The following SUSD1 variants were observed in gnomAD, a reference collection of about 807,000 sequenced individuals.
SUSD1 encodes sushi domain containing 1.
Under a neutral mutation model 86.9 loss-of-function variants are expected in SUSD1, and 65 were observed. The observed-to-expected ratio is 0.75, with a 90% CI of 0.61 to 0.92. SUSD1 has a LOEUF of 0.92. SUSD1 is among the 40% of genes least tolerant of loss of function. The probability of loss-of-function intolerance (pLI) is 0.00; values close to 1 mark genes in which losing one functional copy is unlikely to be tolerated. For synonymous variants in SUSD1, 346 were observed against 350.0 expected (o/e 0.99, Z 0.13); for missense variants, 850 against 929.7 (o/e 0.91, Z 1.11).
At chr9:112,108,829 G>A (rs1170598840) in intron 8 of SUSD1, among the ~76,000 whole-genome samples, 1 of 141,768 alleles carries the variant, frequency 7.1e-6, no homozygotes, top group African/African-American at 2.6e-5. Flanking sequence ...AAAAAAGAGA[G>A]AGAGAAACAT....
chr9:112,147,304 C>T (rs553490803), intron 3 of SUSD1, among the ~76,000 whole-genome samples: 1 of 152,064 alleles, frequency 6.6e-6, no homozygotes, highest in South Asian at 2.1e-4. Context: ...GTCAGGACTT[C>T]GAGACAAGCC....
intron 14 of SUSD1, among the ~76,000 whole-genome samples, 188 bp from the exon 15 acceptor site, chr9:112,052,626 G>A (rs370318952): frequency 6.6e-6 from 1 of 152,170 alleles, no homozygotes; most frequent in African/African-American, 2.4e-5. Context: ...GGCGTGGGTT[G>A]CATGGACAGA....
chr9:112,161,863 A>T (rs1282616706), intron 1 of SUSD1, among the ~76,000 whole-genome samples: 5 of 151,882 alleles, frequency 3.3e-5, no homozygotes. Context: ...AATACCCTAA[A>T]TCTTGGGTAG....
intron 8 of SUSD1, among the ~76,000 whole-genome samples, chr9:112,104,092 T>G (rs1326121974): frequency 6.6e-6 from 1 of 152,028 alleles, no homozygotes; most frequent in Non-Finnish European, 1.5e-5. Context: ...CAGACTACAC[T>G]GCAACCTCCA....
Position 112,127,092 on chromosome 9 carries a change from C to T in SUSD1, c.707-2656G>A, listed in dbSNP as rs575241426. On this transcript the variant is annotated intron_variant, in intron 5 of 16. Transcript: ENST00000374270. The stretch of plus-strand genomic sequence containing the variant: ...ACACCCACAGCTTCTCGAAAGTTGG[C>T]CGGGCACAGAGGCTCACACCTGTAA... Among the ~76,000 whole-genome samples the T allele has an allele frequency of 1.8e-3, 271 of 152,290 alleles. 2 individuals are homozygous for T. The highest frequency in any genetic ancestry group is 6.4e-3 in the African/African-American group (266 of 41,572).
chr9:112,082,901 A>AT (rs1227066378), intron 10 of SUSD1, among the ~76,000 whole-genome samples: 3 of 151,584 alleles, frequency 2.0e-5, no homozygotes, highest in Admixed American at 6.6e-5. Context: ...ATTTATTTTA[A>AT]TTTTTTTGTA....
At chr9:112,109,247 C>G (rs955943980) in intron 8 of SUSD1, among the ~76,000 whole-genome samples, 1 of 152,124 alleles carries the variant, frequency 6.6e-6, no homozygotes, top group African/African-American at 2.4e-5. Flanking sequence ...AAGTTTTCAA[C>G]TTTAAAAGAA....
At chr9:112,080,930 A>G (rs1018219561) in intron 10 of SUSD1, among the ~76,000 whole-genome samples, 1 of 152,216 alleles carries the variant, frequency 6.6e-6, no homozygotes, top group African/African-American at 2.4e-5. Context: ...GGAAAAGAAT[A>G]GGAGGTGGCG....
intron 12 of SUSD1, among the ~76,000 whole-genome samples, chr9:112,074,889 G>A (rs1351727613): frequency 6.6e-6 from 1 of 151,472 alleles, no homozygotes; most frequent in African/African-American, 2.4e-5. Flanking sequence ...GGTAGAGTTG[G>A]AAAATAGGCA....
chr9:112,059,350 G>A (rs758087348), intron 13 of SUSD1, among the ~76,000 whole-genome samples: 1 of 152,236 alleles, frequency 6.6e-6, no homozygotes, highest in African/African-American at 2.4e-5. Context: ...GACCTGATCA[G>A]TGATTTTCAC....
chr9:112,051,453 T>C (rs1032442838), intron 15 of SUSD1, among the ~76,000 whole-genome samples: 6 of 141,380 alleles, frequency 4.2e-5, no homozygotes, highest in Non-Finnish European at 9.1e-5. Flanking sequence ...GTTGTTGAGA[T>C]GGAGTTTTGC....
intron 13 of SUSD1, among the ~76,000 whole-genome samples, chr9:112,062,428 T>C (rs4979080): frequency 0.38 from 58,468 of 151,934 alleles, 12,055 homozygotes; most frequent in African/African-American, 0.53. Flanking sequence ...GGTGTGGTGG[T>C]TCAAGCCTGT....
At chr9:112,063,111 G>A in intron 12 of SUSD1, 78 bp from the exon 13 acceptor site, 1 of 866,384 alleles carries the variant, frequency 1.2e-6, no homozygotes, top group Non-Finnish European at 1.9e-6. Context: ...CCTCGTGAGG[G>A]CTATCAAAAA....
intron 10 of SUSD1, among the ~76,000 whole-genome samples, chr9:112,098,057 C>G (rs1273337085): frequency 4.6e-5 from 7 of 152,166 alleles, no homozygotes; most frequent in Non-Finnish European, 5.9e-5. Flanking sequence ...TTATGCGTGG[C>G]CTAGTCCTGA....
chr9:112,054,128 T>G (rs934604337), intron 14 of SUSD1, among the ~76,000 whole-genome samples: 1 of 152,182 alleles, frequency 6.6e-6, no homozygotes, highest in African/African-American at 2.4e-5. Flanking sequence ...CACTCCCTGA[T>G]TTCAAAATTT....
chr9:112,138,252 T>TACATATAC lies in SUSD1; in HGVS notation c.706+4067_706+4068insGTATATGT, dbSNP rs1352070295. Reference sequence around the variant, plus strand: ...AAAAAAATGTGTATATATATATATATATATGTGTATATACATATATATATA... The same window carrying TACATATAC: ...AAAAAAATGTGTATATATATATATATACATATACATATGTGTATATACATATATATATA... On this transcript the variant is annotated intron_variant, in intron 5 of 16. Coordinates refer to ENST00000374270, the MANE Select transcript of SUSD1 (RefSeq NM_022486.5). 5.1e-5 allele frequency among the ~76,000 whole-genome samples: 6 copies of TACATATAC among 118,140 alleles called. 1 individual carries two copies. The highest frequency in any genetic ancestry group is 1.7e-4 in the African/African-American group (5 of 28,804). The allele number at this position is 118,140 out of a possible 152,430, so 77.5% of individuals were successfully genotyped here. A position where few individuals can be genotyped will look rare whatever the true frequency, so the allele number is the denominator to read the frequency against.
At chr9:112,063,108 A>C in intron 12 of SUSD1, 75 bp from the exon 13 acceptor site, 1 of 884,096 alleles carries the variant, frequency 1.1e-6, no homozygotes, top group East Asian at 2.5e-5. Flanking sequence ...GGTCCTCGTG[A>C]GGGCTATCAA....
At chr9:112,078,778 G>T (rs2131554750) in intron 11 of SUSD1, 54 bp from the exon 12 acceptor site, 14 of 1,428,540 alleles carry the variant, frequency 9.8e-6, no homozygotes, top group South Asian at 2.5e-5. Flanking sequence ...GGCTTTAGAT[G>T]CCTTGAAACC....
At chr9:112,161,820 CAAAAAAAAA>C (rs11354546) in intron 1 of SUSD1, among the ~76,000 whole-genome samples, 2 of 119,572 alleles carry the variant, frequency 1.7e-5, no homozygotes, top group African/African-American at 3.1e-5. Flanking sequence ...AGACTCCATC[CAAAAAAAAA>C]AAAAAAAAAA....
Sources: gnomAD v4.1 joint callset for allele counts (sites outside exome capture counted in the v4.1 genomes callset) on GRCh38, gnomAD v4.1.1 for gene constraint, MANE v1.5 for transcripts, NCBI Gene and HGNC (gene_info 2026-07-23, HGNC 2026-07-21) for gene names.